Variants in NFX1 observed in about 807,000 individuals in gnomAD.
NFX1 encodes transcriptional repressor NF-X1.
NFX1 carries 69 observed loss-of-function variants against 137.2 expected under a neutral mutation model. That is an observed-to-expected ratio of 0.50 (90% CI 0.41 to 0.61). The LOEUF (loss-of-function observed/expected upper bound fraction) is 0.61, where lower values mean the gene tolerates loss of function less well. Among genes scored for constraint, NFX1 ranks in the 20% least tolerant of loss-of-function variants. The probability of loss-of-function intolerance (pLI) is 0.00; values close to 1 mark genes in which losing one functional copy is unlikely to be tolerated. For missense variants in NFX1, 1,167 were observed against 1,391.0 expected (o/e 0.84, Z 2.56); for synonymous variants, 495 against 474.1 (o/e 1.04, Z -0.57).
intron 7 of NFX1, among the ~76,000 whole-genome samples, chr9:33,317,903 G>C (rs1822231118): frequency 6.9e-6 from 1 of 144,728 alleles, no homozygotes; most frequent in Non-Finnish European, 1.5e-5. Context: ...ATGAACCGGG[G>C]AGGTGGAGGT....
intron 14 of NFX1, among the ~76,000 whole-genome samples, chr9:33,345,180 GAA>G (rs1823373521): frequency 1.4e-5 from 2 of 143,826 alleles, no homozygotes; most frequent in Non-Finnish European, 3.0e-5. Context: ...AAAAGAAAAA[GAA>G]AAAGAAAAAA....
At chr9:33,312,589 G>A (rs1053024066) in intron 6 of NFX1, among the ~76,000 whole-genome samples, 37 of 152,322 alleles carry the variant, frequency 2.4e-4, no homozygotes, top group African/African-American at 7.0e-4. Context: ...TACTTTTTGC[G>A]GCTGGGCGCA....
At chr9:33,303,297 C>T in intron 4 of NFX1, 29 bp downstream of exon 4, 3 of 1,573,514 alleles carry the variant, frequency 1.9e-6, no homozygotes, top group Non-Finnish European at 2.6e-6. Context: ...ACTGGAGTCT[C>T]TTTTACTACA....
intron 11 of NFX1, among the ~76,000 whole-genome samples, chr9:33,333,092 C>T (rs1222038746): frequency 3.9e-5 from 6 of 152,180 alleles, no homozygotes; most frequent in African/African-American, 9.7e-5. Flanking sequence ...GTGATCCACC[C>T]GCCTCGGCCT....
chr9:33,310,607 C>T (rs1295562616), intron 5 of NFX1, among the ~76,000 whole-genome samples: 2 of 152,124 alleles, frequency 1.3e-5, no homozygotes, highest in Non-Finnish European at 2.9e-5. Context: ...TCATGTCAGC[C>T]TTCTTTTCAC....
At chr9:33,338,081 G>A (rs953648125) in intron 11 of NFX1, among the ~76,000 whole-genome samples, 6 of 150,732 alleles carry the variant, frequency 4.0e-5, no homozygotes, top group Admixed American at 1.3e-4. Flanking sequence ...AAGGCCAGGC[G>A]TGTTGGCTCA....
At chr9:33,322,692 C>T (rs1475084498) in intron 9 of NFX1, among the ~76,000 whole-genome samples, 1 of 152,164 alleles carries the variant, frequency 6.6e-6, no homozygotes, top group African/African-American at 2.4e-5. Context: ...CTATCCCACC[C>T]AGCACCCAGA....
chr9:33,298,445 G>T (rs1306901740), intron 2 of NFX1, among the ~76,000 whole-genome samples: 2 of 152,212 alleles, frequency 1.3e-5, no homozygotes, highest in Admixed American at 6.5e-5. Flanking sequence ...CTGCTGGAAG[G>T]TCCTGGGAAG....
At chr9:33,322,153 A>G (rs1333736171) in intron 9 of NFX1, among the ~76,000 whole-genome samples, 1 of 151,512 alleles carries the variant, frequency 6.6e-6, no homozygotes, top group Non-Finnish European at 1.5e-5. Context: ...GTGAACTCAG[A>G]TCATGCCACT....
At chr9:33,304,925 TG>T (rs2118255116) in intron 4 of NFX1, among the ~76,000 whole-genome samples, 1 of 152,328 alleles carries the variant, frequency 6.6e-6, no homozygotes, top group South Asian at 2.1e-4. Flanking sequence ...AAGCCTCTAC[TG>T]GCAAATTAGA....
chr9:33,336,873 A>ACTT (rs1823024512), intron 11 of NFX1, among the ~76,000 whole-genome samples: 1 of 152,172 alleles, frequency 6.6e-6, no homozygotes, highest in Non-Finnish European at 1.5e-5. Flanking sequence ...AGGCCAAGGC[A>ACTT]GGCGGATCAC....
intron 2 of NFX1, among the ~76,000 whole-genome samples, chr9:33,298,961 A>G (rs767959999): frequency 6.6e-6 from 1 of 152,204 alleles, no homozygotes; most frequent in Non-Finnish European, 1.5e-5. Flanking sequence ...GGAAGATTTT[A>G]TGCCTGAGCA....
chr9:33,347,725 A>G (rs1399909129), intron 15 of NFX1: 1 of 432,934 alleles, frequency 2.3e-6, no homozygotes, highest in East Asian at 7.5e-5. Flanking sequence ...AGATACCTGC[A>G]CACGCATGTT....
At chr9:33,362,018 G>A (rs1462273119) in intron 19 of NFX1, among the ~76,000 whole-genome samples, 1 of 151,548 alleles carries the variant, frequency 6.6e-6, no homozygotes, top group Non-Finnish European at 1.5e-5. Context: ...CTACTGGAGA[G>A]GTTGAGGTAG....
chr9:33,346,135 C>A (rs1185958222), intron 14 of NFX1, among the ~76,000 whole-genome samples: 1 of 152,172 alleles, frequency 6.6e-6, no homozygotes, highest in Non-Finnish European at 1.5e-5. Context: ...ATAGCCCTCC[C>A]AGCGTAGTTT....
Position 33,352,710 on chromosome 9 carries a change from C to G in NFX1, c.2720C>G (p.Thr907Ser), listed in dbSNP as rs781590864. 2 of 1,613,334 alleles carry G rather than the reference C, an allele frequency of 1.2e-6. No homozygotes were observed. The highest frequency in any genetic ancestry group is 2.2e-5 in the East Asian group (1 of 44,896). Residue 907 changes from threonine to serine, a missense_variant, in exon 17 of 24, where the codon ACT becomes AGT. Physicochemically the swap from Thr to Ser is moderately conservative, Grantham distance 58 (BLOSUM62 1). Around this residue, in one of 3 missense-constraint regions of NFX1, gnomAD observed 312 missense variants for 312.8 expected, o/e 1.00. Coordinates refer to ENST00000379540, the MANE Select transcript of NFX1 (RefSeq NM_002504.6). ...GTGATTTGCTCTGAAGCATCTAGTA[C>G]TTATCAAAGGTTAGTGTTACTTAAA... ...EMVICSEASS[T>S]YQRIAAISMA...
At chr9:33,363,171 A>G (rs1398861285) in intron 19 of NFX1, among the ~76,000 whole-genome samples, 1 of 152,040 alleles carries the variant, frequency 6.6e-6, no homozygotes, top group Non-Finnish European at 1.5e-5. Context: ...ATTATACAAC[A>G]TAGTATATAT....
intron 2 of NFX1, among the ~76,000 whole-genome samples, chr9:33,300,250 A>G (rs1821507046): frequency 6.6e-6 from 1 of 151,684 alleles, no homozygotes; most frequent in African/African-American, 2.4e-5. Context: ...TTCTTAGTAG[A>G]GATGGGGTTT....
chr9:33,361,049 A>G (rs1564149086), intron 19 of NFX1, among the ~76,000 whole-genome samples: 1 of 152,236 alleles, frequency 6.6e-6, no homozygotes, highest in Non-Finnish European at 1.5e-5. Context: ...ACATTGATCA[A>G]GAGTCTTATG....
Sources: allele counts gnomAD v4.1 joint callset (sites outside exome capture counted in the v4.1 genomes callset), GRCh38; gene constraint gnomAD v4.1.1; regional missense constraint gnomAD v4.1.1; transcripts MANE v1.5; gene names NCBI Gene and HGNC (gene_info 2026-07-23, HGNC 2026-07-21).